The following MED12L variants were observed in gnomAD, a reference collection of about 807,000 sequenced individuals.
MED12L encodes the protein mediator complex subunit 12L.
Under a neutral mutation model 281.3 loss-of-function variants are expected in MED12L, and 60 were observed. The ratio of observed to expected loss-of-function variants is 0.21; its 90% CI spans 0.17 to 0.26. The LOEUF (loss-of-function observed/expected upper bound fraction) is 0.26, where lower values mean the gene tolerates loss of function less well. Ranked by LOEUF, MED12L falls within the 10% of genes least tolerant of loss-of-function variation. The probability of loss-of-function intolerance (pLI) is 1.00; values close to 1 mark genes in which losing one functional copy is unlikely to be tolerated. For missense variants in MED12L, 2,146 were observed against 2,680.9 expected, an observed-to-expected ratio of 0.80 and a Z score of 4.41; for synonymous variants, 974 against 987.2, an observed-to-expected ratio of 0.99 and a Z score of 0.25.
chr3:151,107,268 A>G (rs1435122708), intron 2 of MED12L, among the ~76,000 whole-genome samples: 2 of 152,188 alleles, frequency 1.3e-5, no homozygotes, highest in Non-Finnish European at 2.9e-5. Context: ...CATGCAAAAT[A>G]TCAGAAGCTT....
chr3:151,388,882 C>A (rs1333893957), intron 37 of MED12L, among the ~76,000 whole-genome samples: 1 of 151,980 alleles, frequency 6.6e-6, no homozygotes, highest in Non-Finnish European at 1.5e-5. Flanking sequence ...AAATTAAAAC[C>A]TGGAAAATAT....
chr3:151,190,864 G>A lies in MED12L; in HGVS notation c.1901G>A (p.Arg634Gln), dbSNP rs759337063. The A allele has an allele frequency of 1.1e-5, 17 of 1,613,908 alleles. No homozygotes were observed. The highest frequency in any genetic ancestry group is 3.3e-5 in the Admixed American group (2 of 59,984). The stretch of plus-strand genomic sequence containing the variant: ...GATTTGTCAGTCACTGCCTCAACTC[G>A]GCCGCGGTCACCAGTAGGGGAAAAT... The part of the protein sequence containing the change: ...RGDLSVTAST[R>Q]PRSPVGENAD... The change falls in exon 14 of 45, where the codon CGG (arginine) becomes CAG (glutamine). Residue 634 changes from arginine to glutamine, a missense_variant. Around this residue, in one of 9 missense-constraint regions of MED12L, gnomAD observed 722 missense variants for 861.2 expected, o/e 0.84. Coordinates refer to ENST00000687756, the MANE Select transcript of MED12L (RefSeq NM_001393769.1).
chr3:151,378,208 T>A (rs145476093), intron 31 of MED12L, 35 bp downstream of exon 31: 5 of 1,545,910 alleles, frequency 3.2e-6, no homozygotes, highest in Non-Finnish European at 4.4e-6. Context: ...TGTGAGAGTT[T>A]AAAGAATAAT....
rs1428926051 is a variant in MED12L at position 151,376,892 on chromosome 3, G to A, written c.4128+18G>A. 4 of 1,613,330 alleles carry A rather than the reference G, an allele frequency of 2.5e-6. No homozygotes were observed. The highest frequency in any genetic ancestry group is 3.4e-6 in the Non-Finnish European group (4 of 1,179,440). On this transcript the variant is annotated intron_variant, in intron 29 of 44. Coordinates refer to ENST00000687756, the MANE Select transcript of MED12L (RefSeq NM_001393769.1). Reference sequence around the variant, plus strand: ...AGGACCCTGTGAGTTTATATTGAAAGCTTATCTCTGTATGAAATTTTATAA... The same window carrying A: ...AGGACCCTGTGAGTTTATATTGAAAACTTATCTCTGTATGAAATTTTATAA...
At chr3:151,196,453 C>T (rs1724673068) in intron 16 of MED12L, among the ~76,000 whole-genome samples, 1 of 152,134 alleles carries the variant, frequency 6.6e-6, no homozygotes, top group South Asian at 2.1e-4. Context: ...AAAGTGTTTT[C>T]CATGTCCCCA....
At chr3:151,360,781 A>G (rs567531787) in intron 21 of MED12L, among the ~76,000 whole-genome samples, 176 bp downstream of exon 21, 2 of 152,294 alleles carry the variant, frequency 1.3e-5, no homozygotes, top group South Asian at 4.1e-4. Context: ...GACAGGGACA[A>G]TACACGATAG....
intron 16 of MED12L, among the ~76,000 whole-genome samples, chr3:151,335,845 T>C (rs7633362): frequency 0.87 from 132,340 of 152,204 alleles, 57,702 homozygotes; most frequent in Middle Eastern, 0.95. Flanking sequence ...ATATACATAC[T>C]CATAAAACAT....
chr3:151,148,660 ATTTGCTCCT>A (rs1160817083), intron 5 of MED12L, among the ~76,000 whole-genome samples: 3 of 152,134 alleles, frequency 2.0e-5, no homozygotes, highest in Admixed American at 2.0e-4. Flanking sequence ...CACCTTAAAG[ATTTGCTCCT>A]TAGTCTCTGG....
At chr3:151,331,662 G>A (rs970595734) in intron 16 of MED12L, among the ~76,000 whole-genome samples, 3 of 152,260 alleles carry the variant, frequency 2.0e-5, no homozygotes, top group Middle Eastern at 3.4e-3. Flanking sequence ...CCAGAGGCTA[G>A]GAGCCTATCA....
intron 16 of MED12L, among the ~76,000 whole-genome samples, chr3:151,343,216 A>G (rs1752094389): frequency 6.6e-6 from 1 of 152,182 alleles, no homozygotes; most frequent in Non-Finnish European, 1.5e-5. Flanking sequence ...TGCTTTTTCT[A>G]AGACCATCAA....
chr3:151,385,507 C>T (rs1402542937), intron 36 of MED12L, among the ~76,000 whole-genome samples: 2 of 151,944 alleles, frequency 1.3e-5, no homozygotes, highest in Non-Finnish European at 2.9e-5. Flanking sequence ...TCTGATTATA[C>T]TTCAGATTTA....
intron 16 of MED12L, among the ~76,000 whole-genome samples, chr3:151,239,512 A>G (rs1480108142): frequency 6.6e-6 from 1 of 152,274 alleles, no homozygotes; most frequent in Non-Finnish European, 1.5e-5. Flanking sequence ...GCAAAAATGT[A>G]GAATAACATG....
At chr3:151,392,292 C>A (rs914887288) in intron 38 of MED12L, among the ~76,000 whole-genome samples, 1 of 151,434 alleles carries the variant, frequency 6.6e-6, no homozygotes, top group Non-Finnish European at 1.5e-5. Context: ...GGTGAAACCC[C>A]GTATCTACTA....
intron 33 of MED12L, among the ~76,000 whole-genome samples, chr3:151,383,458 G>T (rs1034345743): frequency 6.6e-6 from 1 of 152,158 alleles, no homozygotes; most frequent in African/African-American, 2.4e-5. Flanking sequence ...CATTATTCAG[G>T]TTTAATTCAA....
chr3:151,360,193 G>A (rs1433910622), intron 20 of MED12L, among the ~76,000 whole-genome samples: 4 of 152,058 alleles, frequency 2.6e-5, no homozygotes, highest in East Asian at 1.9e-4. Context: ...CAACTTAATC[G>A]GTGGATTCCT....
chr3:151,383,684 T>C (rs1712808110), intron 33 of MED12L, 95 bp from the exon 34 acceptor site: 1 of 747,188 alleles, frequency 1.3e-6, no homozygotes, highest in East Asian at 2.7e-5. Flanking sequence ...CTTGTTTTTT[T>C]AAATAAAAAA....
chr3:151,228,709 A>G (rs904885849), intron 16 of MED12L, among the ~76,000 whole-genome samples: 1 of 152,160 alleles, frequency 6.6e-6, no homozygotes, highest in Middle Eastern at 3.2e-3. Context: ...ACCAGTCCCT[A>G]CACAATGCTA....
At chr3:151,113,530 C>A (rs1276335523) in intron 2 of MED12L, among the ~76,000 whole-genome samples, 1 of 152,106 alleles carries the variant, frequency 6.6e-6, no homozygotes, top group Non-Finnish European at 1.5e-5. Context: ...CTTCAGGGGG[C>A]AAGGGGAGAA....
intron 16 of MED12L, among the ~76,000 whole-genome samples, chr3:151,333,416 T>A (rs926009090): frequency 6.6e-6 from 1 of 152,194 alleles, no homozygotes; most frequent in Non-Finnish European, 1.5e-5. Flanking sequence ...TGTTATTTTT[T>A]GACTTTTAAG....
Sources: allele counts gnomAD v4.1 joint callset (sites outside exome capture counted in the v4.1 genomes callset), GRCh38; gene constraint gnomAD v4.1.1; regional missense constraint gnomAD v4.1.1; transcripts MANE v1.5; gene names NCBI Gene and HGNC (gene_info 2026-07-23, HGNC 2026-07-21).